Variants in AGFG1 observed in about 807,000 individuals in gnomAD.
The protein encoded by AGFG1 is ArfGAP with FG repeats 1.
In AGFG1, 10 loss-of-function variants were observed where a neutral mutation model predicts 60.6. The observed-to-expected ratio is 0.16, with a 90% CI of 0.10 to 0.28. The LOEUF is 0.28. Ranked by LOEUF, AGFG1 falls within the 10% of genes least tolerant of loss-of-function variation. The probability of loss-of-function intolerance (pLI) is 1.00; values close to 1 mark genes in which losing one functional copy is unlikely to be tolerated. For synonymous variants in AGFG1, 247 were observed against 242.9 expected (o/e 1.02, Z -0.16); for missense variants, 537 against 676.5 (o/e 0.79, Z 2.29).
intron 6 of AGFG1, 135 bp downstream of exon 6, chr2:227,531,345 T>C: frequency 9.8e-7 from 1 of 1,025,530 alleles, no homozygotes; most frequent in African/African-American, 1.6e-5. Flanking sequence ...TCAAAAGCTC[T>C]GGGGAAACCT....
chr2:227,486,437 A>C (rs1414253978), intron 1 of AGFG1, among the ~76,000 whole-genome samples: 1 of 152,170 alleles, frequency 6.6e-6, no homozygotes, highest in African/African-American at 2.4e-5. Context: ...GTGCCAGTCT[A>C]GATACTGTAT....
rs563505551 is a variant in AGFG1 at position 227,525,346 on chromosome 2, T to C, written c.694+431T>C. 5.9e-5 allele frequency among the ~76,000 whole-genome samples: 9 copies of C among 152,340 alleles called. No individual in the cohort carries two copies. In the South Asian group the frequency reaches 1.7e-3, roughly 28 times the overall value. On this transcript the variant is annotated intron_variant, in intron 5 of 12. Coordinates refer to ENST00000310078, the MANE Select transcript of AGFG1 (RefSeq NM_004504.5). ...ATTGTGTATATCAATCTATAAAACA[T>C]ACTTTTTTTGTTAAATATAACCATA...
chr2:227,499,078 G>A (rs1364726299), intron 2 of AGFG1, among the ~76,000 whole-genome samples: 1 of 151,998 alleles, frequency 6.6e-6, no homozygotes, highest in African/African-American at 2.4e-5. Flanking sequence ...AAGCAAATGC[G>A]AGACATAAAA....
rs1017351271 is a variant in AGFG1, at chr2:227,558,235, A to G, written c.*3740A>G. 1.3e-5 allele frequency: 2 copies of G among 152,246 alleles called. No individual in the cohort carries two copies. Among genetic ancestry groups the G allele is most frequent in the Non-Finnish European group, 2.9e-5 (2 of 68,034 alleles). The allele number at this position is 152,246 out of a possible 1,614,324, so 9.4% of individuals were successfully genotyped here. ...GTGGCAGCTTTTTGCTCTGGGGAAC[A>G]GATTTGGATTAAATGCTATCACATT... On this transcript the variant is annotated 3_prime_UTR_variant, in exon 13 of 13. Coordinates refer to ENST00000310078, the MANE Select transcript of AGFG1 (RefSeq NM_004504.5).
intron 11 of AGFG1, among the ~76,000 whole-genome samples, chr2:227,552,981 CAA>C (rs1268406616): frequency 1.1e-4 from 9 of 85,620 alleles, no homozygotes; most frequent in East Asian, 7.2e-4. Context: ...GCTTGGGTGA[CAA>C]GAGTGAAATT....
chr2:227,539,902 C>A (rs1692433701), intron 10 of AGFG1, among the ~76,000 whole-genome samples: 1 of 152,106 alleles, frequency 6.6e-6, no homozygotes, highest in South Asian at 2.1e-4. Context: ...GTGGCTTAAT[C>A]TTTGCTCACT....
Position 227,497,730 on chromosome 2 carries a change from G to GTTTTTTTTTTTTTTTT in AGFG1, c.261+6094_261+6095insTTTTTTTTTTTTTTTT, listed in dbSNP as rs148621752. On this transcript the variant is annotated intron_variant, in intron 2 of 12. Coordinates refer to ENST00000310078, the MANE Select transcript of AGFG1 (RefSeq NM_004504.5). ...ATATAGCCAAATGAGTTTCTTTCTT[G>GTTTTTTTTTTTTTTTT]TTTTGTTTTTTTTTTTTTTTTTTTT... Among the ~76,000 whole-genome samples the GTTTTTTTTTTTTTTTT allele has an allele frequency of 5.9e-4, 23 of 38,922 alleles. 3 individuals carry two copies. Among genetic ancestry groups the GTTTTTTTTTTTTTTTT allele is most frequent in the African/African-American group, 1.5e-3 (20 of 13,230 alleles). 25.5% of individuals were successfully genotyped at this position (38,922 alleles called of 152,430 possible).
At chr2:227,489,540 A>G (rs1412583041) in intron 1 of AGFG1, among the ~76,000 whole-genome samples, 1 of 152,160 alleles carries the variant, frequency 6.6e-6, no homozygotes, top group Non-Finnish European at 1.5e-5. Flanking sequence ...GAGTTTTACC[A>G]GAATAAAATT....
intron 11 of AGFG1, among the ~76,000 whole-genome samples, chr2:227,552,672 CTTT>C (rs199665905): frequency 2.2e-5 from 3 of 134,202 alleles, no homozygotes; most frequent in African/African-American, 2.7e-5. Context: ...TTTCTTTTTT[CTTT>C]TTTTTTTTTT....
chr2:227,472,684 G>T, intron 1 of AGFG1, 96 bp downstream of exon 1: 1 of 1,334,592 alleles, frequency 7.5e-7, no homozygotes, highest in South Asian at 1.7e-5. Context: ...GGAAAGAGCC[G>T]GGTGCCGTGG....
chr2:227,491,336 T>C (rs1441856494), intron 1 of AGFG1, among the ~76,000 whole-genome samples: 1 of 152,196 alleles, frequency 6.6e-6, no homozygotes, highest in Non-Finnish European at 1.5e-5. Flanking sequence ...TTGAATTTAT[T>C]GTTAAGTCTA....
At chr2:227,515,679 G>A (rs1691628759) in intron 2 of AGFG1, among the ~76,000 whole-genome samples, 1 of 151,938 alleles carries the variant, frequency 6.6e-6, no homozygotes. Flanking sequence ...AAAAGCCTTC[G>A]GACTAGTTTC....
chr2:227,483,675 T>C (rs1176827413), intron 1 of AGFG1, among the ~76,000 whole-genome samples: 1 of 152,244 alleles, frequency 6.6e-6, no homozygotes, highest in Non-Finnish European at 1.5e-5. Flanking sequence ...TCCTTGTTGC[T>C]AAGTAGTATT....
chr2:227,524,030 G>A (rs1228511552), intron 4 of AGFG1, 105 bp downstream of exon 4: 16 of 1,110,452 alleles, frequency 1.4e-5, no homozygotes, highest in Non-Finnish European at 2.1e-5. Context: ...TATGCCAGTA[G>A]CATTATGTTC....
At chr2:227,473,021 G>T (rs920806073) in intron 1 of AGFG1, among the ~76,000 whole-genome samples, 2 of 142,158 alleles carry the variant, frequency 1.4e-5, no homozygotes, top group African/African-American at 2.6e-5. Flanking sequence ...TGTGTGCCCC[G>T]CCTCTCAGCG....
At position 227,546,198 on chromosome 2, in the gene AGFG1, G is replaced by A. The variant is rs117817304; in HGVS notation, c.1379-5761G>A. ...AAGTCAAGCCTCAGTAATGGCGGGC[G>A]CCCCTCCCCCAGCCTTGCTGCCGCC... is the stretch of plus-strand genomic sequence containing the variant. On this transcript the variant is annotated intron_variant, in intron 10 of 12. Coordinates refer to ENST00000310078, the MANE Select transcript of AGFG1 (RefSeq NM_004504.5). Among the ~76,000 whole-genome samples the A allele has an allele frequency of 0.015, 2,279 of 152,240 alleles. 122 individuals carry two copies. The East Asian group carries it at 0.2, about 14-fold the overall frequency.
At chr2:227,548,657 G>T (rs925984236) in intron 10 of AGFG1, among the ~76,000 whole-genome samples, 13 of 152,178 alleles carry the variant, frequency 8.5e-5, no homozygotes, top group African/African-American at 2.9e-4. Flanking sequence ...AGTAGATAAG[G>T]CCGGGTGCAG....
chr2:227,509,385 G>C (rs1188237171), intron 2 of AGFG1, among the ~76,000 whole-genome samples: 1 of 152,090 alleles, frequency 6.6e-6, no homozygotes, highest in Non-Finnish European at 1.5e-5. Flanking sequence ...AAAGAGACAA[G>C]ACAGTTAATG....
chr2:227,510,154 G>T (rs1201984648), intron 2 of AGFG1, among the ~76,000 whole-genome samples: 3 of 152,020 alleles, frequency 2.0e-5, no homozygotes, highest in South Asian at 2.1e-4. Context: ...GTGTGTTGAG[G>T]GGGGTAGGGA....
Sources: gnomAD v4.1 joint callset for allele counts (sites outside exome capture counted in the v4.1 genomes callset) on GRCh38, gnomAD v4.1.1 for gene constraint, MANE v1.5 for transcripts, NCBI Gene and HGNC (gene_info 2026-07-23, HGNC 2026-07-21) for gene names.